ARFGEF1: variants seen among roughly 807,000 people sequenced by gnomAD.
The protein encoded by ARFGEF1 is ARF guanine nucleotide exchange factor 1.
A neutral mutation model predicts 231.0 loss-of-function variants in ARFGEF1; 42 were observed. That is an observed-to-expected ratio of 0.18 (90% CI 0.14 to 0.24). The LOEUF is 0.24. ARFGEF1 is among the 10% of genes least tolerant of loss of function. ARFGEF1 has a pLI of 1.00. For synonymous variants in ARFGEF1, 710 were observed against 732.3 expected (o/e 0.97, Z 0.49); for missense variants, 1,345 against 2,192.0 (o/e 0.61, Z 7.72).
intron 5 of ARFGEF1, among the ~76,000 whole-genome samples, chr8:67,179,088 A>C (rs1832371358): frequency 6.6e-6 from 1 of 152,180 alleles, no homozygotes; most frequent in Non-Finnish European, 1.5e-5. Context: ...TGTCCTACTG[A>C]AGCCCAGATT....
intron 5 of ARFGEF1, among the ~76,000 whole-genome samples, chr8:67,179,311 G>T (rs1396646559): frequency 6.6e-6 from 1 of 152,010 alleles, no homozygotes; most frequent in Non-Finnish European, 1.5e-5. Context: ...GGCAATTGCT[G>T]TCACATAGGG....
chr8:67,219,706 T>A, intron 29 of ARFGEF1, 146 bp from the exon 30 acceptor site: 1 of 791,520 alleles, frequency 1.3e-6, no homozygotes, highest in Non-Finnish European at 1.9e-6. Flanking sequence ...TTAAAAAATT[T>A]AAGTTGTAAG....
chr8:67,261,629 T>C (rs1174623642), intron 14 of ARFGEF1, among the ~76,000 whole-genome samples: 1 of 152,220 alleles, frequency 6.6e-6, no homozygotes, highest in Non-Finnish European at 1.5e-5. Flanking sequence ...GTTGTTTTCA[T>C]GCCTGCTAAC....
In ARFGEF1 at chr8:67,203,292, A is replaced by G. The variant is rs767744908; in HGVS notation, c.4960-41T>C. On this transcript the variant is annotated intron_variant, in intron 35 of 38. Transcript: ENST00000262215. Reference sequence around the variant, plus strand: ...CACCCCAGCATATACACACAGTCACAATAATTTTACTTGATTTACAACTCA... The same window carrying G: ...CACCCCAGCATATACACACAGTCACGATAATTTTACTTGATTTACAACTCA... 7.5e-6 allele frequency: 12 copies of G among 1,593,646 alleles called. No homozygotes were observed. In the East Asian group the frequency reaches 1.3e-4, roughly 18 times the overall value.
intron 7 of ARFGEF1, among the ~76,000 whole-genome samples, chr8:67,286,099 G>C (rs1805746016): frequency 6.6e-6 from 1 of 152,180 alleles, no homozygotes; most frequent in Non-Finnish European, 1.5e-5. Flanking sequence ...AAATGGAATT[G>C]TGCTTATTGT....
At chr8:67,253,052 A>G (rs79188214) in intron 18 of ARFGEF1, among the ~76,000 whole-genome samples, 1,796 of 152,320 alleles carry the variant, frequency 0.012, 18 homozygotes, top group Admixed American at 0.018. Flanking sequence ...ATGCACACTG[A>G]CACATGCATA....
downstream of ARFGEF1, chr8:67,175,437 G>A (rs926218821): frequency 9.9e-6 from 16 of 1,613,968 alleles, no homozygotes; most frequent in Admixed American, 1.7e-5. Context: ...GGTGCCAAAG[G>A]TAAGAAATAA....
In ARFGEF1 at chr8:67,321,586, G is replaced by A. The variant is rs1199753837; in HGVS notation, c.125-19120C>T. On this transcript the variant is annotated intron_variant, in intron 1 of 38. Transcript: ENST00000262215. The stretch of plus-strand genomic sequence containing the variant: ...CGCTATTCTCCTGCCTCAGCCTCCC[G>A]AGTAGCTGGGAGTACAGGCACCCGC... Among the ~76,000 whole-genome samples the A allele has an allele frequency of 4.0e-5, 6 of 151,886 alleles. No individual in the cohort carries two copies. In the Middle Eastern group the frequency reaches 0.01, roughly 258 times the overall value.
At chr8:67,293,755 A>G (rs914799849) in intron 5 of ARFGEF1, among the ~76,000 whole-genome samples, 32 of 152,186 alleles carry the variant, frequency 2.1e-4, no homozygotes, top group African/African-American at 7.0e-4. Context: ...TCCACAATGT[A>G]CCGGTGTGAC....
intron 1 of ARFGEF1, among the ~76,000 whole-genome samples, chr8:67,310,285 G>T (rs1329232103): frequency 2.6e-5 from 4 of 152,210 alleles, no homozygotes; most frequent in African/African-American, 9.6e-5. Flanking sequence ...TTTTGGTGGA[G>T]ACGGGGTTTC....
intron 3 of ARFGEF1, 114 bp from the exon 4 acceptor site, chr8:67,299,469 C>A: frequency 1.0e-6 from 1 of 982,546 alleles, no homozygotes; most frequent in Non-Finnish European, 1.4e-6. Context: ...AATTTTTACA[C>A]AAAAACATAA....
At position 67,218,191 on chromosome 8, in the gene ARFGEF1, TAAAAAAA is replaced by T. The variant is rs10719102; in HGVS notation, c.4339-60_4339-54del. 3.9e-4 allele frequency: 60 copies of T among 153,684 alleles called. 1 individual carries two copies. The highest frequency in any genetic ancestry group is 1.5e-3 in the African/African-American group (26 of 17,686). The allele number at this position is 153,684 out of a possible 1,614,324, so 9.5% of individuals were successfully genotyped here. On this transcript the variant is annotated intron_variant, in intron 30 of 38. Coordinates refer to ENST00000262215, the MANE Select transcript of ARFGEF1 (RefSeq NM_006421.5). ...CACGCCATTAATCAACTACTATGAT[TAAAAAAA>T]AAAAAAAAAATATATATATATATAT...
At chr8:67,331,057 ATAT>A (rs1254342570) in intron 1 of ARFGEF1, among the ~76,000 whole-genome samples, 2 of 152,178 alleles carry the variant, frequency 1.3e-5, no homozygotes, top group African/African-American at 4.8e-5. Flanking sequence ...AAAAGAAGTA[ATAT>A]TATTAAAAAA....
chr8:67,222,176 T>TACAC (rs1563846204), intron 29 of ARFGEF1, among the ~76,000 whole-genome samples: 4 of 108,646 alleles, frequency 3.7e-5, no homozygotes, highest in African/African-American at 1.8e-4. Flanking sequence ...TATATATATA[T>TACAC]ATACACATAT....
At position 67,267,447 on chromosome 8, in the gene ARFGEF1, G is replaced by T. The variant is rs912598240; in HGVS notation, c.1573-5C>A. The T allele has an allele frequency of 2.0e-6, 3 of 1,536,890 alleles. No individual in the cohort carries two copies. The African/African-American group carries it at 4.1e-5, about 21-fold the overall frequency. ...GAAAATTTCTTTAAAGAACACCTGT[G>T]ATTAGGAGAAAACTTCTGTTTAAAA... On this transcript the variant is annotated splice_region_variant and splice_polypyrimidine_tract_variant and intron_variant, in intron 10 of 38. Coordinates refer to ENST00000262215, the MANE Select transcript of ARFGEF1 (RefSeq NM_006421.5).
downstream of ARFGEF1, chr8:67,193,665 C>T (rs1028267872): frequency 8.4e-6 from 12 of 1,434,860 alleles, no homozygotes; most frequent in African/African-American, 1.4e-4. Flanking sequence ...CTTTCTTACT[C>T]AAGGCTTTCA....
chr8:67,295,465 C>G (rs140796950), intron 5 of ARFGEF1, among the ~76,000 whole-genome samples: 2 of 152,272 alleles, frequency 1.3e-5, no homozygotes, highest in African/African-American at 4.8e-5. Flanking sequence ...ACAACATTGT[C>G]TCAGAGATAT....
At chr8:67,300,774 G>A (rs1373832794) in intron 3 of ARFGEF1, among the ~76,000 whole-genome samples, 2 of 151,380 alleles carry the variant, frequency 1.3e-5, no homozygotes, top group Non-Finnish European at 2.9e-5. Context: ...AACACAGGGG[G>A]CAGAGGTCAC....
Position 67,267,145 on chromosome 8 carries a change from T to C in ARFGEF1, c.1758A>G (p.Leu586=), listed in dbSNP as rs1047473449. Residue 586 remains leucine, a synonymous_variant, in exon 12 of 39, where the codon CTA becomes CTG. Coordinates refer to ENST00000262215, the MANE Select transcript of ARFGEF1 (RefSeq NM_006421.5). ...TGCCCCTTCCTTGAGCAATTTTTGATAGATCATTTACTAGTCTTTCAAATA... is the reference window on the plus strand; with the variant it reads ...TGCCCCTTCCTTGAGCAATTTTTGACAGATCATTTACTAGTCTTTCAAATA... ...ANIFERLVND[L]SKIAQGRGSQ... The C allele has an allele frequency of 1.2e-6, 2 of 1,613,186 alleles. No individual in the cohort carries two copies. The highest frequency in any genetic ancestry group is 1.3e-5 in the African/African-American group (1 of 74,908).
Sources: gnomAD v4.1 joint callset for allele counts (sites outside exome capture counted in the v4.1 genomes callset) on GRCh38, gnomAD v4.1.1 for gene constraint, MANE v1.5 for transcripts, NCBI Gene and HGNC (gene_info 2026-07-23, HGNC 2026-07-21) for gene names.